Variants in ROBO2 observed in about 807,000 individuals in gnomAD.
ROBO2 encodes roundabout homolog 2.
In ROBO2, 53 loss-of-function variants were observed where a neutral mutation model predicts 160.8. The observed-to-expected ratio is 0.33, with a 90% confidence interval of 0.26 to 0.41. ROBO2 has a LOEUF of 0.41. ROBO2 is among the 10% of genes least tolerant of loss of function. The pLI, the probability that ROBO2 is intolerant of heterozygous loss-of-function variation, is 1.00. For synonymous variants in ROBO2, 664 were observed against 611.7 expected, an observed-to-expected ratio of 1.09 and a Z score of -1.26; for missense variants, 1,577 against 1,722.4, an observed-to-expected ratio of 0.92 and a Z score of 1.49.
chr3:76,497,692 G>A (rs1483254312), intron 2 of ROBO2, among the ~76,000 whole-genome samples: 4 of 152,236 alleles, frequency 2.6e-5, no homozygotes, highest in Non-Finnish European at 4.4e-5. Context: ...TTTGAGTGAA[G>A]CCGAGTACTC....
chr3:77,424,067 C>T (rs764710740), intron 2 of ROBO2, among the ~76,000 whole-genome samples: 3 of 152,080 alleles, frequency 2.0e-5, no homozygotes, highest in Non-Finnish European at 2.9e-5. Context: ...TGATATTGCT[C>T]TTTAAGAGTG....
At chr3:76,097,047 C>T (rs113132851) in intron 2 of ROBO2, among the ~76,000 whole-genome samples, 55 of 152,140 alleles carry the variant, frequency 3.6e-4, no homozygotes, top group Middle Eastern at 3.4e-3. Flanking sequence ...TACTCAGCAA[C>T]ATTATCTATG....
chr3:76,598,116 A>G (rs1328982692), intron 2 of ROBO2, among the ~76,000 whole-genome samples: 1 of 152,042 alleles, frequency 6.6e-6, no homozygotes, highest in Non-Finnish European at 1.5e-5. Context: ...TGATAGATGC[A>G]ATACCTTGAA....
At chr3:76,445,385 A>G (rs2077127104) in intron 2 of ROBO2, among the ~76,000 whole-genome samples, 1 of 152,186 alleles carries the variant, frequency 6.6e-6, no homozygotes, top group Non-Finnish European at 1.5e-5. Flanking sequence ...CTAAGGAAGG[A>G]AAAAATGCTG....
chr3:76,693,413 T>C (rs563000556), intron 2 of ROBO2, among the ~76,000 whole-genome samples: 71 of 151,432 alleles, frequency 4.7e-4, no homozygotes, highest in African/African-American at 1.6e-3. Flanking sequence ...AAACTATATA[T>C]ATACACTACA....
intron 2 of ROBO2, among the ~76,000 whole-genome samples, chr3:77,014,061 G>A (rs536820331): frequency 4.2e-5 from 6 of 142,452 alleles, no homozygotes; most frequent in African/African-American, 1.3e-4. Flanking sequence ...TTCTACATTC[G>A]CCACACTAAT....
At chr3:76,497,077 C>T (rs1381233324) in intron 2 of ROBO2, among the ~76,000 whole-genome samples, 2 of 152,176 alleles carry the variant, frequency 1.3e-5, no homozygotes, top group African/African-American at 2.4e-5. Flanking sequence ...CCACTGCACT[C>T]CAGCCACAAT....
At chr3:76,049,861 T>G (rs1161043489) in intron 2 of ROBO2, among the ~76,000 whole-genome samples, 1 of 152,112 alleles carries the variant, frequency 6.6e-6, no homozygotes, top group East Asian at 1.9e-4. Context: ...GGTAGTCTTC[T>G]GTATTTTTGC....
intron 2 of ROBO2, among the ~76,000 whole-genome samples, chr3:76,034,693 T>C (rs2067042907): frequency 6.6e-6 from 1 of 152,258 alleles, no homozygotes; most frequent in Middle Eastern, 3.4e-3. Flanking sequence ...ATCCATGTTT[T>C]TGGTGATGTG....
intron 2 of ROBO2, among the ~76,000 whole-genome samples, chr3:76,068,014 G>A (rs1331415707): frequency 6.6e-6 from 1 of 152,202 alleles, no homozygotes; most frequent in Non-Finnish European, 1.5e-5. Flanking sequence ...CTCTTAATAT[G>A]TCATGTATTG....
chr3:76,015,599 T>C (rs1035441726), intron 2 of ROBO2, among the ~76,000 whole-genome samples: 1 of 152,234 alleles, frequency 6.6e-6, no homozygotes, highest in Non-Finnish European at 1.5e-5. Flanking sequence ...TCTTATGTTC[T>C]GGTATGGGAA....
intron 2 of ROBO2, among the ~76,000 whole-genome samples, chr3:76,328,642 C>T (rs1017756093): frequency 1.3e-5 from 2 of 151,858 alleles, no homozygotes; most frequent in East Asian, 2.0e-4. Context: ...GGGTGAGTCA[C>T]GAGGTCAGGG....
chr3:77,127,899 T>A (rs1015009071), intron 2 of ROBO2, among the ~76,000 whole-genome samples: 3 of 152,220 alleles, frequency 2.0e-5, no homozygotes, highest in African/African-American at 7.2e-5. Flanking sequence ...CATTCAATCC[T>A]AGTTATAGAT....
chr3:77,304,805 C>G (rs903877190), intron 2 of ROBO2, among the ~76,000 whole-genome samples: 1 of 152,060 alleles, frequency 6.6e-6, no homozygotes, highest in Admixed American at 6.5e-5. Context: ...GTGTGTGTAT[C>G]TGTGTATTGT....
intron 2 of ROBO2, among the ~76,000 whole-genome samples, chr3:77,227,105 G>A (rs1373004826): frequency 1.3e-5 from 2 of 151,980 alleles, no homozygotes; most frequent in African/African-American, 4.8e-5. Flanking sequence ...CAATTTTCTT[G>A]TAACAGTGGA....
chr3:76,619,461 TTTC>T (rs2088885703), intron 2 of ROBO2, among the ~76,000 whole-genome samples: 1 of 152,248 alleles, frequency 6.6e-6, no homozygotes, highest in Non-Finnish European at 1.5e-5. Context: ...CGAGTTTATG[TTTC>T]TTCTTCATTT....
intron 22 of ROBO2, among the ~76,000 whole-genome samples, chr3:77,619,517 G>T (rs889992645): frequency 1.3e-5 from 2 of 152,116 alleles, no homozygotes; most frequent in East Asian, 1.9e-4. Context: ...GAATCATAGC[G>T]TTACTTTCCC....
At chr3:77,497,406 G>A (rs1212889556) in intron 5 of ROBO2, among the ~76,000 whole-genome samples, 1 of 152,124 alleles carries the variant, frequency 6.6e-6, no homozygotes, top group Non-Finnish European at 1.5e-5. Flanking sequence ...AGAAGAAGAT[G>A]CACTTTTGGG....
chr3:77,470,535 C>T (rs545462847), intron 2 of ROBO2, among the ~76,000 whole-genome samples: 246 of 152,238 alleles, frequency 1.6e-3, no homozygotes, highest in South Asian at 5.6e-3. Context: ...ATTCTATATC[C>T]ATGACGCTAT....
Sources: gnomAD v4.1 joint callset for allele counts (sites outside exome capture counted in the v4.1 genomes callset) on GRCh38, gnomAD v4.1.1 for gene constraint, MANE v1.5 for transcripts, NCBI Gene and HGNC (gene_info 2026-07-23, HGNC 2026-07-21) for gene names.